The following FXN variants were observed in gnomAD, a reference collection of about 807,000 sequenced individuals.
FXN encodes the protein frataxin, mitochondrial.
Under a neutral mutation model 22.4 loss-of-function variants are expected in FXN, and 14 were observed. The ratio of observed to expected loss-of-function variants is 0.62; its 90% CI spans 0.41 to 0.98. The LOEUF (loss-of-function observed/expected upper bound fraction) is 0.98. FXN is among the 50% of genes least tolerant of loss of function. The pLI is 0.00. For synonymous variants in FXN, 120 were observed against 114.1 expected (o/e 1.05, Z -0.33); for missense variants, 267 against 268.4 (o/e 0.99, Z 0.04).
intron 4 of FXN, among the ~76,000 whole-genome samples, chr9:69,072,405 G>C (rs1446890455): frequency 6.6e-6 from 1 of 152,182 alleles, no homozygotes; most frequent in Non-Finnish European, 1.5e-5. Context: ...TTCAGGTTTT[G>C]AGAATCATTC....
intron 2 of FXN, among the ~76,000 whole-genome samples, chr9:69,051,720 A>T (rs1016614327): frequency 1.3e-5 from 2 of 152,234 alleles, no homozygotes; most frequent in South Asian, 2.1e-4. Context: ...TCTAAATATT[A>T]AAAAAATCTC....
intron 4 of FXN, among the ~76,000 whole-genome samples, chr9:69,072,275 C>T (rs73647068): frequency 0.02 from 2,989 of 152,302 alleles, 101 homozygotes; most frequent in African/African-American, 0.067. Context: ...ATCTGTAGCA[C>T]AAAAATGGCC....
At position 69,053,265 on chromosome 9, in the gene FXN, C is replaced by T; in HGVS notation, c.384+5C>T. 3 of 1,613,264 alleles carry T rather than the reference C, an allele frequency of 1.9e-6. No individual in the cohort carries two copies. The highest frequency in any genetic ancestry group is 2.5e-6 in the Non-Finnish European group (3 of 1,179,528). On this transcript the variant is annotated splice_donor_5th_base_variant and intron_variant, in intron 3 of 4. Transcript: ENST00000484259. ...GACTATGATGTCTCCTTTGGGGTAC[C>T]TCTTGACTTCTTTTATTTTTCTGTT... is the stretch of plus-strand genomic sequence containing the variant.
chr9:69,037,881 A>G (rs1378155489), intron 1 of FXN, among the ~76,000 whole-genome samples: 2 of 152,124 alleles, frequency 1.3e-5, no homozygotes, highest in Admixed American at 1.3e-4. Flanking sequence ...CGAACTCCCA[A>G]CCTCAGGTGA....
chr9:69,044,319 T>A (rs1451251902), intron 1 of FXN, among the ~76,000 whole-genome samples: 2 of 152,180 alleles, frequency 1.3e-5, no homozygotes, highest in East Asian at 1.9e-4. Flanking sequence ...CACTGTAGAA[T>A]GTGCGATAGC....
intron 3 of FXN, among the ~76,000 whole-genome samples, chr9:69,058,029 C>T (rs962927267): frequency 6.6e-6 from 1 of 152,176 alleles, no homozygotes; most frequent in African/African-American, 2.4e-5. Context: ...AACATGCTTT[C>T]GTTGATGCCT....
At chr9:69,068,141 G>A (rs1166072480) in intron 4 of FXN, among the ~76,000 whole-genome samples, 2 of 152,164 alleles carry the variant, frequency 1.3e-5, no homozygotes, top group African/African-American at 4.8e-5. Context: ...GACAGAGGCA[G>A]GCCACCATGC....
rs1832360476 is a variant in FXN, at chr9:69,075,982, G to GGT, written c.*3226_*3227dup. ...GTCCTCCCAAGATGCTGGGATTACAGGTGTGTGCCACAGGTGTTCATCAGA... is the reference window on the plus strand; with the variant it reads ...GTCCTCCCAAGATGCTGGGATTACAGGTGTGTGTGCCACAGGTGTTCATCAGA... On this transcript the variant is annotated 3_prime_UTR_variant, in exon 5 of 5. Coordinates refer to ENST00000484259, the MANE Select transcript of FXN (RefSeq NM_000144.5). 1 of 978,332 alleles carries GGT rather than the reference G, an allele frequency of 1.0e-6. No homozygotes were observed. The highest frequency in any genetic ancestry group is 1.2e-6 in the Non-Finnish European group (1 of 823,596). The allele number at this position is 978,332 out of a possible 1,614,324, so 60.6% of individuals were successfully genotyped here. A position where few individuals can be genotyped will look rare whatever the true frequency, so the allele number is the denominator to read the frequency against.
At position 69,073,156 on chromosome 9, in the gene FXN, G is replaced by A. The variant is rs539688619; in HGVS notation, c.*394G>A. 7 of 1,112,036 alleles carry A rather than the reference G, an allele frequency of 6.3e-6. No homozygotes were observed. In the African/African-American group the frequency reaches 1.1e-4, roughly 18 times the overall value. 68.9% of individuals were successfully genotyped at this position (1,112,036 alleles called of 1,614,324 possible). A position where few individuals can be genotyped will look rare whatever the true frequency, so the allele number is the denominator to read the frequency against. On this transcript the variant is annotated 3_prime_UTR_variant, in exon 5 of 5. Transcript: ENST00000484259. ...GGATTTACTGCAAGAAGTACATGAA[G>A]AGCAGCTGGTCAACCTGCTCACTGT...
rs183393884 is a variant in FXN at position 69,073,909 on chromosome 9, C to T, written c.*1147C>T. On this transcript the variant is annotated 3_prime_UTR_variant, in exon 5 of 5. Coordinates refer to ENST00000484259, the MANE Select transcript of FXN (RefSeq NM_000144.5). ...AAAATAATAGCCATCCTTGGCCTGGCGCGGTGGCTCACACCTGTAATCCCA... is the reference window on the plus strand; with the variant it reads ...AAAATAATAGCCATCCTTGGCCTGGTGCGGTGGCTCACACCTGTAATCCCA... 21 of 983,508 alleles carry T rather than the reference C, an allele frequency of 2.1e-5. No homozygotes were observed. In the East Asian group the frequency reaches 3.4e-4, roughly 16 times the overall value. 60.9% of individuals were successfully genotyped at this position (983,508 alleles called of 1,614,324 possible). A position where few individuals can be genotyped will look rare whatever the true frequency, so the allele number is the denominator to read the frequency against.
At position 69,075,387 on chromosome 9, in the gene FXN, G is replaced by A. The variant is rs999874381; in HGVS notation, c.*2625G>A. On this transcript the variant is annotated 3_prime_UTR_variant, in exon 5 of 5. Coordinates refer to ENST00000484259, the MANE Select transcript of FXN (RefSeq NM_000144.5). ...AGGCAGGAGAATCGCTGTAACCTGGGGGGTGGAGGTTGCAGTGAGACGAGA... is the reference window on the plus strand; with the variant it reads ...AGGCAGGAGAATCGCTGTAACCTGGAGGGTGGAGGTTGCAGTGAGACGAGA... 4 of 715,638 alleles carry A rather than the reference G, an allele frequency of 5.6e-6. No homozygotes were observed. Among genetic ancestry groups the A allele is most frequent in the South Asian group, 6.3e-5 (1 of 15,830 alleles). 44.3% of individuals were successfully genotyped at this position (715,638 alleles called of 1,614,324 possible).
At chr9:69,063,616 C>T (rs1314183862) in intron 3 of FXN, among the ~76,000 whole-genome samples, 2 of 152,148 alleles carry the variant, frequency 1.3e-5, no homozygotes, top group African/African-American at 4.8e-5. Flanking sequence ...TTGTCCCATT[C>T]CTATCAGTTA....
At position 69,072,851 on chromosome 9, in the gene FXN, GTTGT is replaced by G. The variant is rs868778168; in HGVS notation, c.*92_*95del. On this transcript the variant is annotated 3_prime_UTR_variant, in exon 5 of 5. Transcript: ENST00000484259. The stretch of plus-strand genomic sequence containing the variant: ...CTGAGGTCTGTTTTTTGTTGTTGTT[GTTGT>G]TTATTTTTTTTATTCCTGCTTTTGA... The G allele has an allele frequency of 6.2e-7, 1 of 1,605,276 alleles. No individual in the cohort carries two copies. The highest frequency in any genetic ancestry group is 8.5e-7 in the Non-Finnish European group (1 of 1,178,080).
intron 3 of FXN, among the ~76,000 whole-genome samples, chr9:69,061,213 C>CA (rs1372142414): frequency 6.6e-6 from 1 of 152,222 alleles, no homozygotes; most frequent in African/African-American, 2.4e-5. Flanking sequence ...TCAGTGGTTG[C>CA]ATGTGCACCC....
chr9:69,076,416 C>G lies in FXN; in HGVS notation c.*3654C>G, dbSNP rs1297565958. ...TTCCCTACTCAACCTTGAACTTAAT[C>G]AAAATACTCAGTTTACTTAACTTCG... is the stretch of plus-strand genomic sequence containing the variant. On this transcript the variant is annotated 3_prime_UTR_variant, in exon 5 of 5. Transcript: ENST00000484259. The G allele has an allele frequency of 1.0e-6, 1 of 985,376 alleles. No individual in the cohort carries two copies. Among genetic ancestry groups the G allele is most frequent in the East Asian group, 1.1e-4 (1 of 8,818 alleles). 61.0% of individuals were successfully genotyped at this position (985,376 alleles called of 1,614,324 possible). A position where few individuals can be genotyped will look rare whatever the true frequency, so the allele number is the denominator to read the frequency against.
At chr9:69,069,690 C>G (rs890441990) in intron 4 of FXN, among the ~76,000 whole-genome samples, 1 of 152,232 alleles carries the variant, frequency 6.6e-6, no homozygotes, top group Non-Finnish European at 1.5e-5. Context: ...TGCAAGGGCA[C>G]AGCTGGAGAC....
chr9:69,078,406 C>A lies in FXN; in HGVS notation c.*5644C>A. 1 of 985,452 alleles carries A rather than the reference C, an allele frequency of 1.0e-6. No individual in the cohort carries two copies. The highest frequency in any genetic ancestry group is 1.2e-6 in the Non-Finnish European group (1 of 829,968). 61.0% of individuals were successfully genotyped at this position (985,452 alleles called of 1,614,324 possible). ...CAGTGGAGGTCCTCATCATTTTTCA[C>A]CTGCATTTTTGCAGGAGCTTTCTTA... On this transcript the variant is annotated 3_prime_UTR_variant, in exon 5 of 5. Coordinates refer to ENST00000484259, the MANE Select transcript of FXN (RefSeq NM_000144.5).
At chr9:69,062,354 TC>T (rs1832090488) in intron 3 of FXN, among the ~76,000 whole-genome samples, 1 of 152,044 alleles carries the variant, frequency 6.6e-6, no homozygotes, top group African/African-American at 2.4e-5. Context: ...CAAGCGATCC[TC>T]CCTCCTTGGG....
At chr9:69,041,658 A>T (rs1831658320) in intron 1 of FXN, among the ~76,000 whole-genome samples, 1 of 152,176 alleles carries the variant, frequency 6.6e-6, no homozygotes, top group African/African-American at 2.4e-5. Context: ...GCCGGGGGTG[A>T]CAAGGGGACA....
Sources: allele counts gnomAD v4.1 joint callset (sites outside exome capture counted in the v4.1 genomes callset), GRCh38; gene constraint gnomAD v4.1.1; transcripts MANE v1.5; gene names NCBI Gene and HGNC (gene_info 2026-07-23, HGNC 2026-07-21).